B3GAT2: variants seen among roughly 807,000 people sequenced by gnomAD.
The protein encoded by B3GAT2 is beta-1,3-glucuronyltransferase 2.
Under a neutral mutation model 27.8 loss-of-function variants are expected in B3GAT2, and 26 were observed. The observed-to-expected ratio is 0.93, with a 90% CI of 0.68 to 1.30. B3GAT2 has a LOEUF of 1.30. B3GAT2 is among the 50% of genes most tolerant of loss of function. The pLI is 0.00. For synonymous variants in B3GAT2, 218 were observed against 195.1 expected, an observed-to-expected ratio of 1.12 and a Z score of -0.98; for missense variants, 458 against 459.0, an observed-to-expected ratio of 1.00 and a Z score of 0.02.
At chr6:70,948,703 A>T (rs1249345634) in intron 1 of B3GAT2, among the ~76,000 whole-genome samples, 3 of 152,218 alleles carry the variant, frequency 2.0e-5, no homozygotes, top group Non-Finnish European at 4.4e-5. Context: ...GCTACCAATG[A>T]CTTTCTTCAC....
At chr6:70,899,419 C>A (rs1772454487) in intron 1 of B3GAT2, among the ~76,000 whole-genome samples, 1 of 152,174 alleles carries the variant, frequency 6.6e-6, no homozygotes, top group Non-Finnish European at 1.5e-5. Context: ...TTAGCACACT[C>A]CAAATTACTG....
intron 2 of B3GAT2, among the ~76,000 whole-genome samples, chr6:70,862,546 C>G (rs1241271287): frequency 6.6e-6 from 1 of 152,010 alleles, no homozygotes; most frequent in Admixed American, 6.6e-5. Context: ...TAATTTGGTT[C>G]AATCTAAAAA....
chr6:70,857,880 C>G lies in B3GAT2; in HGVS notation c.*3783G>C, dbSNP rs765080833. The G allele has an allele frequency of 1.0e-5, 16 of 1,591,752 alleles. No homozygotes were observed. Among genetic ancestry groups the G allele is most frequent in the Non-Finnish European group, 1.4e-5 (16 of 1,167,168 alleles). ...GATTATAGAGATGAGTGCAACTACA[C>G]GTGATAGCTCTGTCTTCATTCATTT... On this transcript the variant is annotated 3_prime_UTR_variant, in exon 4 of 4. Coordinates refer to ENST00000230053, the MANE Select transcript of B3GAT2 (RefSeq NM_080742.3).
chr6:70,896,287 C>T (rs1582362335), intron 1 of B3GAT2, among the ~76,000 whole-genome samples: 1 of 152,110 alleles, frequency 6.6e-6, no homozygotes, highest in Non-Finnish European at 1.5e-5. Flanking sequence ...CCTGTGTATC[C>T]TTCTACGTCA....
At chr6:70,897,040 C>T (rs180965931) in intron 1 of B3GAT2, among the ~76,000 whole-genome samples, 2 of 152,268 alleles carry the variant, frequency 1.3e-5, no homozygotes, top group East Asian at 1.9e-4. Context: ...GTGTAAGAGA[C>T]GTCTAGTTCC....
intron 2 of B3GAT2, among the ~76,000 whole-genome samples, chr6:70,864,577 C>A (rs780272095): frequency 2.6e-5 from 4 of 152,170 alleles, no homozygotes; most frequent in African/African-American, 9.7e-5. Flanking sequence ...AATTCAGATG[C>A]CCCACAATCA....
At chr6:70,862,707 C>T (rs933022450) in intron 2 of B3GAT2, among the ~76,000 whole-genome samples, 6 of 152,188 alleles carry the variant, frequency 3.9e-5, no homozygotes, top group African/African-American at 1.2e-4. Flanking sequence ...CAGTGTCTCA[C>T]ATCTGTAATC....
chr6:70,898,549 C>T (rs146779268), intron 1 of B3GAT2, among the ~76,000 whole-genome samples: 1 of 152,138 alleles, frequency 6.6e-6, no homozygotes, highest in African/African-American at 2.4e-5. Context: ...AACAGAATGG[C>T]TTTATATATA....
At chr6:70,890,471 G>T (rs1772269496) in intron 2 of B3GAT2, among the ~76,000 whole-genome samples, 1 of 152,154 alleles carries the variant, frequency 6.6e-6, no homozygotes, top group Non-Finnish European at 1.5e-5. Context: ...CTTCCACCTG[G>T]CTCTGCTGGC....
chr6:70,860,464 AT>A lies in B3GAT2; in HGVS notation c.*1198del. On this transcript the variant is annotated 3_prime_UTR_variant, in exon 4 of 4. Transcript: ENST00000230053. ...ATTTGTTCATATTAAGAATGATCTGATTGACCGTGTTGGTCTGTACTGATTC... is the reference window on the plus strand; with the variant it reads ...ATTTGTTCATATTAAGAATGATCTGATGACCGTGTTGGTCTGTACTGATTC... 8.8e-7 allele frequency: 1 copy of A among 1,131,866 alleles called. No individual in the cohort carries two copies. The highest frequency in any genetic ancestry group is 1.2e-6 in the Non-Finnish European group (1 of 817,080). 70.1% of individuals were successfully genotyped at this position (1,131,866 alleles called of 1,614,324 possible).
intron 2 of B3GAT2, among the ~76,000 whole-genome samples, chr6:70,872,252 C>G (rs976957694): frequency 6.6e-6 from 1 of 151,848 alleles, no homozygotes; most frequent in Admixed American, 6.6e-5. Flanking sequence ...CCCAGTTGAT[C>G]TATCTAGTTG....
At chr6:70,866,929 C>T (rs1771860934) in intron 2 of B3GAT2, among the ~76,000 whole-genome samples, 1 of 152,078 alleles carries the variant, frequency 6.6e-6, no homozygotes, top group African/African-American at 2.4e-5. Context: ...ATAAATCTGT[C>T]TCAATACATT....
chr6:70,859,679 A>G lies in B3GAT2; in HGVS notation c.*1984T>C, dbSNP rs1771617453. ...TTTGACTCCAGTCTTGAAGAAAAAT[A>G]CATGTAATCTTATGCTTTATTGCAT... On this transcript the variant is annotated 3_prime_UTR_variant, in exon 4 of 4. Transcript: ENST00000230053. 8.2e-6 allele frequency: 2 copies of G among 242,786 alleles called. No individual in the cohort carries two copies. The highest frequency in any genetic ancestry group is 1.7e-4 in the East Asian group (2 of 11,524). 15.0% of individuals were successfully genotyped at this position (242,786 alleles called of 1,614,324 possible). A position where few individuals can be genotyped will look rare whatever the true frequency, so the allele number is the denominator to read the frequency against.
chr6:70,935,526 ATGG>A lies in B3GAT2; in HGVS notation c.591+20310_591+20312del, dbSNP rs1765255338. Among the ~76,000 whole-genome samples the A allele has an allele frequency of 3.3e-5, 5 of 152,238 alleles. No individual in the cohort carries two copies. In the South Asian group the frequency reaches 1.0e-3, roughly 32 times the overall value. On this transcript the variant is annotated intron_variant, in intron 1 of 3. Coordinates refer to ENST00000230053, the MANE Select transcript of B3GAT2 (RefSeq NM_080742.3). ...ATTGAAAAGTATGTTTATTAAATGA[ATGG>A]TGGTGGGTATCAAACTGTTAACAAT...
chr6:70,953,463 C>T (rs1765605372), intron 1 of B3GAT2, among the ~76,000 whole-genome samples: 1 of 152,128 alleles, frequency 6.6e-6, no homozygotes, highest in Admixed American at 6.5e-5. Flanking sequence ...ATAAAGAAAA[C>T]TGAATGTATC....
At chr6:70,954,854 A>ACC (rs56343643) in intron 1 of B3GAT2, among the ~76,000 whole-genome samples, 39,842 of 148,694 alleles carry the variant, frequency 0.27, 5,754 homozygotes, top group East Asian at 0.37. Flanking sequence ...ACACACACAC[A>ACC]CCGCAAGATA....
Position 70,859,355 on chromosome 6 carries a change from C to A in B3GAT2, c.*2308G>T, listed in dbSNP as rs1367589766. ...TAATGCAGAAGGGTGATGCTGTTCT[C>A]CAGCACTCCATCAGTGCAATCTACT... On this transcript the variant is annotated 3_prime_UTR_variant, in exon 4 of 4. Coordinates refer to ENST00000230053, the MANE Select transcript of B3GAT2 (RefSeq NM_080742.3). 1 of 1,549,052 alleles carries A rather than the reference C, an allele frequency of 6.5e-7. No homozygotes were observed. Among genetic ancestry groups the A allele is most frequent in the South Asian group, 1.2e-5 (1 of 83,856 alleles).
intron 1 of B3GAT2, among the ~76,000 whole-genome samples, chr6:70,920,142 C>T (rs1772843455): frequency 6.6e-6 from 1 of 152,168 alleles, no homozygotes; most frequent in South Asian, 2.1e-4. Context: ...ACGCCGCTCC[C>T]CACCCACCAA....
intron 2 of B3GAT2, among the ~76,000 whole-genome samples, chr6:70,886,219 T>G: frequency 6.6e-6 from 1 of 152,184 alleles, no homozygotes; most frequent in East Asian, 1.9e-4. Flanking sequence ...GTAGACACAC[T>G]GACCTGACTC....
Sources: allele counts gnomAD v4.1 joint callset (sites outside exome capture counted in the v4.1 genomes callset), GRCh38; gene constraint gnomAD v4.1.1; transcripts MANE v1.5; gene names NCBI Gene and HGNC (gene_info 2026-07-23, HGNC 2026-07-21).